RAB38: variants seen among roughly 807,000 people sequenced by gnomAD.
RAB38 encodes the protein ras-related protein Rab-38.
Under a neutral mutation model 18.4 loss-of-function variants are expected in RAB38, and 15 were observed. The observed-to-expected ratio is 0.82, with a 90% CI of 0.55 to 1.26. The LOEUF (loss-of-function observed/expected upper bound fraction) is 1.26, where lower values mean the gene tolerates loss of function less well. Ranked by LOEUF, RAB38 falls within the 50% of genes most tolerant of loss-of-function variation. The pLI is 0.00. For synonymous variants in RAB38, 101 were observed against 104.4 expected, an observed-to-expected ratio of 0.97 and a Z score of 0.20; for missense variants, 294 against 267.4, an observed-to-expected ratio of 1.10 and a Z score of -0.69.
chr11:87,866,303 T>C, the RAB38 span, among the ~76,000 whole-genome samples: 41 of 151,794 alleles, frequency 2.7e-4, no homozygotes, highest in East Asian at 7.8e-3. Context: ...TATATGTACA[T>C]TAATTTGTGG....
chr11:88,067,351 GAA>G, the RAB38 span, among the ~76,000 whole-genome samples: 5,500 of 130,042 alleles, frequency 0.042, 194 homozygotes, highest in South Asian at 0.086. Flanking sequence ...TTTAGCAAAT[GAA>G]AAAAAAAAAA....
the RAB38 span, among the ~76,000 whole-genome samples, chr11:87,914,844 C>T: frequency 1.3e-5 from 2 of 152,182 alleles, no homozygotes. Context: ...TCTCCAGTGG[C>T]CCCAAGTGTG....
At chr11:87,846,683 T>C in the RAB38 span, among the ~76,000 whole-genome samples, 2 of 152,088 alleles carry the variant, frequency 1.3e-5, no homozygotes, top group Non-Finnish European at 2.9e-5. Context: ...TCAATAATTA[T>C]AATGAACTGC....
At chr11:88,126,148 G>A (rs11822682) in intron 2 of RAB38, among the ~76,000 whole-genome samples, 18,446 of 152,140 alleles carry the variant, frequency 0.12, 1,572 homozygotes, top group African/African-American at 0.24. Context: ...GTCAGGTAGC[G>A]TGATGCCTCC....
chr11:87,946,728 TTCTGTGGCTGC>T, the RAB38 span, among the ~76,000 whole-genome samples: 2 of 152,222 alleles, frequency 1.3e-5, no homozygotes, highest in Non-Finnish European at 2.9e-5. Flanking sequence ...ACTCATCATT[TTCTGTGGCTGC>T]ATAGTATTCC....
chr11:88,162,328 A>C (rs1312395176), intron 1 of RAB38, among the ~76,000 whole-genome samples: 1 of 152,088 alleles, frequency 6.6e-6, no homozygotes, highest in Non-Finnish European at 1.5e-5. Flanking sequence ...TTCCCCTACA[A>C]AATAACAAGC....
At chr11:88,128,448 G>A (rs891950197) in intron 2 of RAB38, among the ~76,000 whole-genome samples, 3 of 152,202 alleles carry the variant, frequency 2.0e-5, no homozygotes, top group Non-Finnish European at 2.9e-5. Flanking sequence ...TTGATTAGCC[G>A]TAAGTTACTG....
the RAB38 span, among the ~76,000 whole-genome samples, chr11:87,920,840 G>T: frequency 5.3e-5 from 8 of 151,988 alleles, no homozygotes; most frequent in African/African-American, 1.7e-4. Flanking sequence ...ACATGTATTT[G>T]CAGTTGTTGC....
chr11:88,003,671 TTA>T, the RAB38 span, among the ~76,000 whole-genome samples: 1 of 4,670 alleles, frequency 2.1e-4, no homozygotes, highest in Non-Finnish European at 3.5e-4. Flanking sequence ...ATATAATATA[TTA>T]TATATATTAT....
At chr11:87,975,844 C>T in the RAB38 span, among the ~76,000 whole-genome samples, 31 of 150,784 alleles carry the variant, frequency 2.1e-4, no homozygotes, top group East Asian at 5.3e-3. Context: ...CAAGACTGAC[C>T]AAAGAAAAAA....
At chr11:87,831,356 T>G in the RAB38 span, among the ~76,000 whole-genome samples, 1 of 152,154 alleles carries the variant, frequency 6.6e-6, no homozygotes, top group Non-Finnish European at 1.5e-5. Flanking sequence ...GTCTGTCACT[T>G]CAGAGGCATG....
At chr11:88,138,850 T>A (rs1424515147) in intron 2 of RAB38, among the ~76,000 whole-genome samples, 1 of 151,884 alleles carries the variant, frequency 6.6e-6, no homozygotes, top group Non-Finnish European at 1.5e-5. Context: ...TGGCGCGATC[T>A]CGGCTCCCTG....
At chr11:88,074,296 C>A in the RAB38 span, among the ~76,000 whole-genome samples, 2 of 152,064 alleles carry the variant, frequency 1.3e-5, no homozygotes, top group African/African-American at 4.8e-5. Context: ...TACTGTGAAA[C>A]CCAAAAGACT....
intron 2 of RAB38, among the ~76,000 whole-genome samples, chr11:88,149,283 T>C (rs1042930159): frequency 9.2e-5 from 14 of 152,226 alleles, no homozygotes; most frequent in Non-Finnish European, 1.8e-4. Context: ...ATATTAAATA[T>C]TGATTGTGTA....
chr11:87,840,876 A>T, the RAB38 span, among the ~76,000 whole-genome samples: 1 of 152,122 alleles, frequency 6.6e-6, no homozygotes. Context: ...AACCCATATT[A>T]ATAACATCTT....
At chr11:87,886,121 C>T in the RAB38 span, among the ~76,000 whole-genome samples, 1 of 152,068 alleles carries the variant, frequency 6.6e-6, no homozygotes, top group South Asian at 2.1e-4. Flanking sequence ...TGTTCGATCA[C>T]CAATAAATAG....
At chr11:88,079,647 A>G in the RAB38 span, among the ~76,000 whole-genome samples, 1 of 151,868 alleles carries the variant, frequency 6.6e-6, no homozygotes, top group Non-Finnish European at 1.5e-5. Context: ...AATAATATTA[A>G]GAAAATATGT....
At chr11:88,052,442 G>T in the RAB38 span, among the ~76,000 whole-genome samples, 1 of 151,998 alleles carries the variant, frequency 6.6e-6, no homozygotes, top group East Asian at 1.9e-4. Flanking sequence ...GAAATTTAAT[G>T]TATGCATTGA....
chr11:87,971,233 G>A, the RAB38 span, among the ~76,000 whole-genome samples: 5 of 152,092 alleles, frequency 3.3e-5, no homozygotes, highest in African/African-American at 1.2e-4. Flanking sequence ...GGATTTAATT[G>A]GCTATGAGAC....
Sources: gnomAD v4.1 joint callset for allele counts (sites outside exome capture counted in the v4.1 genomes callset) on GRCh38, gnomAD v4.1.1 for gene constraint, MANE v1.5 for transcripts, NCBI Gene and HGNC (gene_info 2026-07-23, HGNC 2026-07-21) for gene names.